Variants in RBMS3 observed in about 807,000 individuals in gnomAD.
The protein encoded by RBMS3 is RNA binding motif single stranded interacting protein 3.
In RBMS3, 27 loss-of-function variants were observed where a neutral mutation model predicts 66.8. The observed-to-expected ratio is 0.40, with a 90% CI of 0.30 to 0.56. The LOEUF (loss-of-function observed/expected upper bound fraction) is 0.56, where lower values mean the gene tolerates loss of function less well. Among genes scored for constraint, RBMS3 ranks in the 20% least tolerant of loss-of-function variants. The probability of loss-of-function intolerance (pLI) is 0.40; values close to 1 mark genes in which losing one functional copy is unlikely to be tolerated. For synonymous variants in RBMS3, 188 were observed against 183.0 expected (o/e 1.03, Z -0.22); for missense variants, 513 against 549.5 (o/e 0.93, Z 0.66).
At chr3:29,496,861 A>G (rs3773032) in intron 3 of RBMS3, among the ~76,000 whole-genome samples, 3,401 of 152,316 alleles carry the variant, frequency 0.022, 94 homozygotes, top group Admixed American at 0.089. Flanking sequence ...CTTAATATAC[A>G]TATTAGACAA....
At chr3:29,471,886 AAATTT>A (rs2125799702) in intron 2 of RBMS3, among the ~76,000 whole-genome samples, 1 of 152,042 alleles carries the variant, frequency 6.6e-6, no homozygotes. Context: ...AGATGGTTCT[AAATTT>A]AAAAAGATTT....
chr3:29,329,889 ATAAT>A (rs1048290071), intron 1 of RBMS3, among the ~76,000 whole-genome samples: 8 of 147,904 alleles, frequency 5.4e-5, no homozygotes, highest in Non-Finnish European at 1.0e-4. Flanking sequence ...ATATAACTAT[ATAAT>A]TAATATATAT....
chr3:29,661,795 A>G (rs1028142827), intron 4 of RBMS3, among the ~76,000 whole-genome samples: 2 of 152,172 alleles, frequency 1.3e-5, no homozygotes, highest in Non-Finnish European at 2.9e-5. Context: ...AAGTCTCTCA[A>G]GAGGGTTGCC....
At chr3:29,776,488 A>G (rs1447304663) in intron 6 of RBMS3, among the ~76,000 whole-genome samples, 1 of 152,004 alleles carries the variant, frequency 6.6e-6, no homozygotes, top group Admixed American at 6.6e-5. Context: ...CATGTTGTGT[A>G]CATGTACCCT....
At chr3:29,759,178 G>A (rs533462440) in intron 5 of RBMS3, among the ~76,000 whole-genome samples, 1 of 151,866 alleles carries the variant, frequency 6.6e-6, no homozygotes, top group African/African-American at 2.4e-5. Context: ...GAATTGTATC[G>A]GCTGTTAAAC....
At chr3:29,338,221 G>T (rs2036065875) in intron 1 of RBMS3, among the ~76,000 whole-genome samples, 1 of 151,992 alleles carries the variant, frequency 6.6e-6, no homozygotes, top group South Asian at 2.1e-4. Context: ...ATTTTCATAT[G>T]CCAGTTATAA....
At chr3:29,579,390 G>A (rs1195063366) in intron 3 of RBMS3, among the ~76,000 whole-genome samples, 1 of 152,148 alleles carries the variant, frequency 6.6e-6, no homozygotes, top group South Asian at 2.1e-4. Flanking sequence ...ATACACTGAG[G>A]TCATTACCTC....
chr3:29,699,289 AC>A (rs2052434609), intron 4 of RBMS3, among the ~76,000 whole-genome samples: 1 of 152,124 alleles, frequency 6.6e-6, no homozygotes, highest in Admixed American at 6.5e-5. Context: ...AGCTGGGACT[AC>A]AGGCAAATGG....
At chr3:29,578,887 C>T (rs112769212) in intron 3 of RBMS3, among the ~76,000 whole-genome samples, 10,683 of 131,530 alleles carry the variant, frequency 0.081, 755 homozygotes, top group African/African-American at 0.15. Flanking sequence ...CTGCAAGCTC[C>T]GCTTCCCGGG....
chr3:29,711,620 A>C (rs2053173966), intron 4 of RBMS3, among the ~76,000 whole-genome samples: 1 of 152,150 alleles, frequency 6.6e-6, no homozygotes, highest in Non-Finnish European at 1.5e-5. Context: ...CAGACTACTA[A>C]CCCAGGATCT....
intron 3 of RBMS3, among the ~76,000 whole-genome samples, chr3:29,543,033 C>A (rs920544413): frequency 6.6e-5 from 10 of 151,932 alleles, no homozygotes; most frequent in African/African-American, 2.2e-4. Context: ...GCATAGCGTC[C>A]CCTCTTTGAA....
At chr3:29,473,377 A>G (rs2042816930) in intron 2 of RBMS3, among the ~76,000 whole-genome samples, 1 of 152,262 alleles carries the variant, frequency 6.6e-6, no homozygotes, top group Non-Finnish European at 1.5e-5. Context: ...GTGCATTCAC[A>G]AACCCTTAGC....
chr3:29,747,388 AGGT>A (rs1162442214), intron 5 of RBMS3, among the ~76,000 whole-genome samples: 20 of 122,456 alleles, frequency 1.6e-4, no homozygotes, highest in African/African-American at 6.9e-4. Flanking sequence ...GTAGGTAGGT[AGGT>A]AGATAGATAG....
chr3:29,345,972 A>C (rs932721015), intron 1 of RBMS3, among the ~76,000 whole-genome samples: 1 of 152,222 alleles, frequency 6.6e-6, no homozygotes, highest in African/African-American at 2.4e-5. Flanking sequence ...TTTTATCAAG[A>C]GGATACTGCA....
chr3:29,829,980 T>TA (rs71628537), intron 6 of RBMS3, among the ~76,000 whole-genome samples: 23,464 of 149,184 alleles, frequency 0.16, 1,984 homozygotes, highest in Non-Finnish European at 0.19. Flanking sequence ...AGGGAATTAA[T>TA]AAAAAAAAAA....
At chr3:29,636,785 G>C (rs541579836) in intron 4 of RBMS3, among the ~76,000 whole-genome samples, 1 of 151,740 alleles carries the variant, frequency 6.6e-6, no homozygotes, top group African/African-American at 2.4e-5. Context: ...CATGGGAGGC[G>C]GTTTTCCAAA....
intron 6 of RBMS3, among the ~76,000 whole-genome samples, chr3:29,800,993 GCACACACGCATGCACACACA>G (rs1288637503): frequency 7.6e-6 from 1 of 130,742 alleles, no homozygotes; most frequent in Non-Finnish European, 1.7e-5. Flanking sequence ...GTGCATGCGT[GCACACACGCATGCACACACA>G]CACACACACA....
chr3:30,003,314 G>A (rs1699694101), intron 14 of RBMS3, among the ~76,000 whole-genome samples: 1 of 152,060 alleles, frequency 6.6e-6, no homozygotes, highest in East Asian at 1.9e-4. Context: ...AGGGTAAAGG[G>A]TAGAAGTAAA....
chr3:29,378,885 C>A (rs927714351), intron 1 of RBMS3, among the ~76,000 whole-genome samples: 4 of 152,102 alleles, frequency 2.6e-5, no homozygotes, highest in Non-Finnish European at 4.4e-5. Flanking sequence ...TGGGAATATA[C>A]TTAATTTATT....
Sources: allele counts gnomAD v4.1 joint callset (sites outside exome capture counted in the v4.1 genomes callset), GRCh38; gene constraint gnomAD v4.1.1; transcripts MANE v1.5; gene names NCBI Gene and HGNC (gene_info 2026-07-23, HGNC 2026-07-21).